Variants in SLC8A1 observed in about 807,000 individuals in gnomAD.
SLC8A1 encodes solute carrier family 8 member A1, also known as sodium/calcium exchanger 1.
Under a neutral mutation model 68.3 loss-of-function variants are expected in SLC8A1, and 18 were observed. The ratio of observed to expected loss-of-function variants is 0.26; its 90% CI spans 0.18 to 0.39. SLC8A1 has a LOEUF of 0.39. Among genes scored for constraint, SLC8A1 ranks in the 10% least tolerant of loss-of-function variants. The probability of loss-of-function intolerance (pLI) is 1.00; values close to 1 mark genes in which losing one functional copy is unlikely to be tolerated. For missense variants in SLC8A1, 985 were observed against 1,156.7 expected, an observed-to-expected ratio of 0.85 and a Z score of 2.15; for synonymous variants, 475 against 415.5, an observed-to-expected ratio of 1.14 and a Z score of -1.74.
intron 2 of SLC8A1, among the ~76,000 whole-genome samples, chr2:40,310,425 A>C (rs1020909467): frequency 6.6e-5 from 10 of 152,218 alleles, no homozygotes; most frequent in African/African-American, 2.2e-4. Flanking sequence ...TACACAGTTA[A>C]GATCTGAGTC....
chr2:40,389,431 C>G (rs1225740436), intron 2 of SLC8A1, among the ~76,000 whole-genome samples: 1 of 152,054 alleles, frequency 6.6e-6, no homozygotes. Flanking sequence ...ATTTTCCTCA[C>G]TCTGAAAGAT....
At chr2:40,393,624 G>C (rs1009570842) in intron 2 of SLC8A1, among the ~76,000 whole-genome samples, 6 of 152,086 alleles carry the variant, frequency 3.9e-5, no homozygotes, top group Non-Finnish European at 5.9e-5. Context: ...ACCCATATGA[G>C]GGTGCTCCCA....
chr2:40,351,940 A>C (rs1483895942), intron 2 of SLC8A1, among the ~76,000 whole-genome samples: 6 of 152,190 alleles, frequency 3.9e-5, no homozygotes, highest in African/African-American at 1.4e-4. Context: ...ATGTTATTTA[A>C]AACAGGGTAT....
chr2:40,205,809 A>G (rs2055316860), intron 2 of SLC8A1, among the ~76,000 whole-genome samples: 1 of 139,024 alleles, frequency 7.2e-6, no homozygotes, highest in African/African-American at 2.5e-5. Flanking sequence ...AGTTGAAAAA[A>G]TATCTTGAAA....
intron 6 of SLC8A1, among the ~76,000 whole-genome samples, chr2:40,147,667 T>G (rs1223031782): frequency 6.6e-6 from 1 of 152,180 alleles, no homozygotes; most frequent in Non-Finnish European, 1.5e-5. Flanking sequence ...GTTTGGGCAG[T>G]GATAACCCTA....
chr2:40,237,216 A>G (rs980115952), intron 2 of SLC8A1, among the ~76,000 whole-genome samples: 4 of 152,118 alleles, frequency 2.6e-5, no homozygotes, highest in African/African-American at 9.7e-5. Context: ...ACTTGGTTCC[A>G]TTGTCCCCAT....
chr2:40,498,326 C>T (rs183437381), intron 1 of SLC8A1, among the ~76,000 whole-genome samples: 2 of 152,124 alleles, frequency 1.3e-5, no homozygotes, highest in Admixed American at 6.6e-5. Context: ...TTTGTTCAGA[C>T]ATTTTGCAAA....
intron 1 of SLC8A1, among the ~76,000 whole-genome samples, chr2:40,511,277 T>C (rs898787769): frequency 1.3e-5 from 2 of 152,206 alleles, no homozygotes; most frequent in African/African-American, 2.4e-5. Flanking sequence ...TCCCATTATC[T>C]TGTGTAAATT....
At chr2:40,256,977 T>C (rs1186254437) in intron 2 of SLC8A1, among the ~76,000 whole-genome samples, 1 of 151,978 alleles carries the variant, frequency 6.6e-6, no homozygotes, top group African/African-American at 2.4e-5. Flanking sequence ...GTCTCTGCAG[T>C]CTCATCTGAC....
intron 2 of SLC8A1, among the ~76,000 whole-genome samples, chr2:40,243,820 G>C (rs1325594023): frequency 1.3e-5 from 2 of 152,268 alleles, no homozygotes; most frequent in South Asian, 2.1e-4. Context: ...TTCAAGTGGG[G>C]GAGGAATTCC....
intron 2 of SLC8A1, chr2:40,213,449 A>G (rs1012785750): frequency 6.6e-6 from 1 of 152,202 alleles, no homozygotes; most frequent in Non-Finnish European, 1.5e-5. Context: ...ACCAGCAACT[A>G]AATCTTGAGC....
intron 2 of SLC8A1, among the ~76,000 whole-genome samples, chr2:40,265,139 A>G (rs1347041650): frequency 6.6e-6 from 1 of 152,208 alleles, no homozygotes; most frequent in Admixed American, 6.5e-5. Flanking sequence ...ATTGTCCAGG[A>G]TCCTGTATCC....
chr2:40,200,252 A>AAATAAT (rs2054086130), intron 2 of SLC8A1, among the ~76,000 whole-genome samples: 1 of 64,186 alleles, frequency 1.6e-5, no homozygotes, highest in African/African-American at 6.3e-5. Flanking sequence ...ATATATATAT[A>AAATAAT]TATATATATA....
intron 2 of SLC8A1, among the ~76,000 whole-genome samples, chr2:40,228,241 C>T (rs2059231165): frequency 6.6e-6 from 1 of 152,138 alleles, no homozygotes; most frequent in Non-Finnish European, 1.5e-5. Flanking sequence ...AATATTTTTC[C>T]CTGCCTGCAG....
chr2:40,232,924 G>T (rs544622069), intron 2 of SLC8A1, among the ~76,000 whole-genome samples: 1 of 150,656 alleles, frequency 6.6e-6, no homozygotes, highest in Non-Finnish European at 1.5e-5. Flanking sequence ...CAAAGGACAT[G>T]AACTCATCCT....
intron 1 of SLC8A1, among the ~76,000 whole-genome samples, chr2:40,439,974 A>G (rs1365809263): frequency 6.6e-6 from 1 of 152,130 alleles, no homozygotes; most frequent in Non-Finnish European, 1.5e-5. Context: ...ATTGTATAGT[A>G]TATATTACCT....
At chr2:40,492,141 C>T (rs1327068951) in intron 1 of SLC8A1, among the ~76,000 whole-genome samples, 1 of 152,056 alleles carries the variant, frequency 6.6e-6, no homozygotes, top group Non-Finnish European at 1.5e-5. Context: ...GGTACCAAAA[C>T]AGAGATATAG....
intron 2 of SLC8A1, among the ~76,000 whole-genome samples, chr2:40,287,931 A>T (rs920145726): frequency 1.1e-4 from 17 of 152,068 alleles, no homozygotes; most frequent in African/African-American, 3.6e-4. Context: ...GCACGTTATG[A>T]GACTTTGATG....
intron 1 of SLC8A1, among the ~76,000 whole-genome samples, chr2:40,433,166 C>T (rs1559669715): frequency 1.3e-5 from 2 of 152,096 alleles, no homozygotes; most frequent in African/African-American, 2.4e-5. Flanking sequence ...ACACTCTTCA[C>T]GTCCCTTAAA....
Sources: gnomAD v4.1 joint callset for allele counts (sites outside exome capture counted in the v4.1 genomes callset) on GRCh38, gnomAD v4.1.1 for gene constraint, MANE v1.5 for transcripts, NCBI Gene and HGNC (gene_info 2026-07-23, HGNC 2026-07-21) for gene names.